JAKMIP2: variants seen among roughly 807,000 people sequenced by gnomAD.
The protein encoded by JAKMIP2 is janus kinase and microtubule-interacting protein 2.
In JAKMIP2, 25 loss-of-function variants were observed where a neutral mutation model predicts 115.0. The ratio of observed to expected loss-of-function variants is 0.22; its 90% confidence interval spans 0.16 to 0.30. The LOEUF (loss-of-function observed/expected upper bound fraction) is 0.30, where lower values mean the gene tolerates loss of function less well. Among genes scored for constraint, JAKMIP2 ranks in the 10% least tolerant of loss-of-function variants. JAKMIP2 has a pLI of 1.00. For synonymous variants in JAKMIP2, 334 were observed against 343.6 expected (o/e 0.97, Z 0.31); for missense variants, 642 against 957.6 (o/e 0.67, Z 4.35).
intron 20 of JAKMIP2, among the ~76,000 whole-genome samples, chr5:147,608,121 C>A (rs1047213275): frequency 1.3e-5 from 2 of 152,136 alleles, no homozygotes; most frequent in Middle Eastern, 3.4e-3. Context: ...TTTCAAAAAA[C>A]CAGCTCCTGG....
At chr5:147,755,292 T>C (rs556596641) in intron 1 of JAKMIP2, among the ~76,000 whole-genome samples, 2 of 152,248 alleles carry the variant, frequency 1.3e-5, no homozygotes, top group East Asian at 1.9e-4. Flanking sequence ...CCAATGTATA[T>C]CTTATACATA....
intron 1 of JAKMIP2, among the ~76,000 whole-genome samples, chr5:147,680,128 A>C (rs1373750704): frequency 1.3e-5 from 2 of 152,230 alleles, no homozygotes; most frequent in Non-Finnish European, 2.9e-5. Flanking sequence ...GGAATAAATG[A>C]GTTAAAGTAT....
At chr5:147,607,308 G>T (rs187883088) in intron 20 of JAKMIP2, among the ~76,000 whole-genome samples, 39 of 152,290 alleles carry the variant, frequency 2.6e-4, no homozygotes, top group African/African-American at 8.7e-4. Flanking sequence ...TTGGCTGTGG[G>T]TCTGTCATAA....
At chr5:147,592,977 G>A (rs73266263) in intron 21 of JAKMIP2, among the ~76,000 whole-genome samples, 2,149 of 152,260 alleles carry the variant, frequency 0.014, 55 homozygotes, top group African/African-American at 0.05. Flanking sequence ...TACAGTGGTC[G>A]GGGAGAGATC....
Position 147,661,453 on chromosome 5 carries a change from CAG to C in JAKMIP2, c.130-10_130-9del, listed in dbSNP as rs1476541381. On this transcript the variant is annotated splice_polypyrimidine_tract_variant and intron_variant, in intron 2 of 21. Transcript: ENST00000616793. ...TCTTTCAAGCTTTGATACCTAAAAA[CAG>C]AGAGGCGAAATGATGAAGAGAAATG... is the stretch of plus-strand genomic sequence containing the variant. 3 of 1,603,568 alleles carry C rather than the reference CAG, an allele frequency of 1.9e-6. No individual in the cohort carries two copies. The highest frequency in any genetic ancestry group is 2.2e-5 in the East Asian group (1 of 44,762).
At chr5:147,720,272 G>T (rs1471946053) in intron 1 of JAKMIP2, among the ~76,000 whole-genome samples, 1 of 151,806 alleles carries the variant, frequency 6.6e-6, no homozygotes, top group East Asian at 1.9e-4. Flanking sequence ...CTCTCTGGCT[G>T]CCCTTAACAT....
At chr5:147,698,726 G>A (rs1036197061) in intron 1 of JAKMIP2, among the ~76,000 whole-genome samples, 5 of 152,114 alleles carry the variant, frequency 3.3e-5, no homozygotes, top group African/African-American at 7.2e-5. Flanking sequence ...ATGATTGTAC[G>A]TTTCCTGAGG....
chr5:147,735,213 AG>A (rs1168879670), intron 1 of JAKMIP2, among the ~76,000 whole-genome samples: 1 of 152,206 alleles, frequency 6.6e-6, no homozygotes, highest in East Asian at 1.9e-4. Flanking sequence ...CCTCATTTAA[AG>A]AAAGTGCATC....
intron 21 of JAKMIP2, among the ~76,000 whole-genome samples, chr5:147,593,820 T>G (rs1396010012): frequency 6.6e-6 from 1 of 152,140 alleles, no homozygotes; most frequent in African/African-American, 2.4e-5. Context: ...AACACAACAT[T>G]CTCCTATTCC....
At chr5:147,664,774 C>A (rs1401599243) in intron 2 of JAKMIP2, among the ~76,000 whole-genome samples, 1 of 152,130 alleles carries the variant, frequency 6.6e-6, no homozygotes, top group Non-Finnish European at 1.5e-5. Flanking sequence ...GCCAATGAGC[C>A]ATCCTCATCT....
intron 3 of JAKMIP2, chr5:147,660,315 T>C (rs1758891860): frequency 1.0e-5 from 3 of 295,774 alleles, no homozygotes; most frequent in South Asian, 6.4e-5. Flanking sequence ...AAACTATAAA[T>C]AGCAAACAAC....
chr5:147,645,013 G>T lies in JAKMIP2; in HGVS notation c.937-17C>A, dbSNP rs1478204181. On this transcript the variant is annotated splice_polypyrimidine_tract_variant and intron_variant, in intron 5 of 21. Transcript: ENST00000616793. Reference sequence around the variant, plus strand: ...ACGTTTTAACTGGGAAGAAATAAGTGAAGATTTGTGTCTTGCGTTTGGGGG... The same window carrying T: ...ACGTTTTAACTGGGAAGAAATAAGTTAAGATTTGTGTCTTGCGTTTGGGGG... 2.9e-5 allele frequency: 47 copies of T among 1,611,476 alleles called. No individual in the cohort carries two copies. The highest frequency in any genetic ancestry group is 3.7e-5 in the Non-Finnish European group (44 of 1,179,476).
intron 1 of JAKMIP2, among the ~76,000 whole-genome samples, chr5:147,708,325 T>A (rs1379620089): frequency 6.6e-6 from 1 of 152,174 alleles, no homozygotes; most frequent in Non-Finnish European, 1.5e-5. Context: ...GAGGAGTTTG[T>A]AAACCACACA....
chr5:147,642,303 T>G (rs576855270), intron 7 of JAKMIP2, among the ~76,000 whole-genome samples: 51 of 152,144 alleles, frequency 3.4e-4, no homozygotes, highest in Non-Finnish European at 6.2e-4. Context: ...CTGTTTTGTC[T>G]TCAGTTTTTA....
intron 1 of JAKMIP2, among the ~76,000 whole-genome samples, chr5:147,733,114 A>T (rs1193182329): frequency 6.6e-6 from 1 of 152,200 alleles, no homozygotes; most frequent in Non-Finnish European, 1.5e-5. Context: ...CAATCGTTTC[A>T]TCCTCATTGA....
chr5:147,598,460 C>CTGTCT (rs1554123556), intron 21 of JAKMIP2, among the ~76,000 whole-genome samples: 1 of 134,588 alleles, frequency 7.4e-6, no homozygotes, highest in Non-Finnish European at 1.5e-5. Flanking sequence ...ATCTATCTAT[C>CTGTCT]ATCTATCTAT....
At chr5:147,685,895 A>G (rs17562343) in intron 1 of JAKMIP2, among the ~76,000 whole-genome samples, 11,301 of 152,226 alleles carry the variant, frequency 0.074, 538 homozygotes, top group Middle Eastern at 0.17. Flanking sequence ...AGCTTCTATA[A>G]TCAGAATAAA....
At chr5:147,628,341 C>CT (rs1757202002) in intron 16 of JAKMIP2, among the ~76,000 whole-genome samples, 2 of 152,136 alleles carry the variant, frequency 1.3e-5, no homozygotes, top group Non-Finnish European at 2.9e-5. Context: ...TGAGCCCCTA[C>CT]TAAGCCACAG....
At chr5:147,598,461 A>ATCTATCTATCT (rs1755521137) in intron 21 of JAKMIP2, among the ~76,000 whole-genome samples, 2 of 26,678 alleles carry the variant, frequency 7.5e-5, no homozygotes, top group African/African-American at 2.0e-4. Flanking sequence ...TCTATCTATC[A>ATCTATCTATCT]TCTATCTATG....
Sources: gnomAD v4.1 joint callset for allele counts (sites outside exome capture counted in the v4.1 genomes callset) on GRCh38, gnomAD v4.1.1 for gene constraint, MANE v1.5 for transcripts, NCBI Gene and HGNC (gene_info 2026-07-23, HGNC 2026-07-21) for gene names.